The following NRCAM variants were observed in gnomAD, a reference collection of about 807,000 sequenced individuals.
NRCAM encodes neuronal cell adhesion molecule.
A neutral mutation model predicts 156.5 loss-of-function variants in NRCAM; 83 were observed. The observed-to-expected ratio is 0.53, with a 90% CI of 0.44 to 0.64. NRCAM has a LOEUF of 0.64. Among genes scored for constraint, NRCAM ranks in the 30% least tolerant of loss-of-function variants. The probability of loss-of-function intolerance (pLI) is 0.00; values close to 1 mark genes in which losing one functional copy is unlikely to be tolerated. For synonymous variants in NRCAM, 538 were observed against 563.9 expected (o/e 0.95, Z 0.65); for missense variants, 1,417 against 1,597.3 (o/e 0.89, Z 1.92).
At chr7:108,356,513 C>T (rs2099498995) in intron 2 of NRCAM, among the ~76,000 whole-genome samples, 1 of 152,084 alleles carries the variant, frequency 6.6e-6, no homozygotes, top group Admixed American at 6.6e-5. Context: ...GTCCCAACAG[C>T]AGGATGTTCA....
intron 30 of NRCAM, among the ~76,000 whole-genome samples, chr7:108,163,759 A>G (rs1338785598): frequency 2.7e-5 from 4 of 145,828 alleles, no homozygotes; most frequent in Non-Finnish European, 4.5e-5. Flanking sequence ...GCTAATGAGC[A>G]GTCATACCAG....
At chr7:108,345,951 C>T (rs139331239) in intron 2 of NRCAM, among the ~76,000 whole-genome samples, 1 of 152,146 alleles carries the variant, frequency 6.6e-6, no homozygotes, top group Non-Finnish European at 1.5e-5. Flanking sequence ...GCAAGCCATG[C>T]CAACTGCTGT....
intron 2 of NRCAM, among the ~76,000 whole-genome samples, chr7:108,326,064 CATT>C (rs1385019969): frequency 6.6e-6 from 1 of 152,072 alleles, no homozygotes; most frequent in East Asian, 1.9e-4. Flanking sequence ...CTGAGTATCT[CATT>C]ATTTTAAATT....
rs576921488 is a variant in NRCAM at position 108,244,557 on chromosome 7, T to C, written c.-106-4387A>G. Among the ~76,000 whole-genome samples the C allele has an allele frequency of 3.9e-4, 60 of 152,284 alleles. 1 individual carries two copies. The highest frequency in any genetic ancestry group is 1.4e-3 in the African/African-American group (59 of 41,566). ...GGAAAGGTTAGAGAGAAATGGACAA[T>C]GACGACTAATAATTAACACATCAAC... On this transcript the variant is annotated intron_variant, in intron 3 of 32. Coordinates refer to ENST00000379028, the MANE Select transcript of NRCAM (RefSeq NM_001037132.4).
intron 2 of NRCAM, among the ~76,000 whole-genome samples, chr7:108,325,787 G>A (rs1461553571): frequency 2.6e-5 from 4 of 151,980 alleles, no homozygotes; most frequent in African/African-American, 9.7e-5. Flanking sequence ...CAGAGCATCA[G>A]TAAATATTAG....
At chr7:108,346,714 CA>C in intron 2 of NRCAM, among the ~76,000 whole-genome samples, 1 of 152,264 alleles carries the variant, frequency 6.6e-6, no homozygotes, top group East Asian at 1.9e-4. Flanking sequence ...AGGGTACAGA[CA>C]GGCTCTCTAA....
intron 29 of NRCAM, among the ~76,000 whole-genome samples, chr7:108,167,653 A>C: frequency 6.6e-6 from 1 of 152,196 alleles, no homozygotes; most frequent in Non-Finnish European, 1.5e-5. Context: ...TTTATTGGCC[A>C]CCTCATTTGT....
intron 28 of NRCAM, among the ~76,000 whole-genome samples, chr7:108,171,893 G>A (rs993441712): frequency 6.6e-6 from 1 of 152,092 alleles, no homozygotes; most frequent in Non-Finnish European, 1.5e-5. Flanking sequence ...GGCCAAAAAA[G>A]GAATTTTATT....
chr7:108,449,749 A>G (rs1232236619), intron 1 of NRCAM, among the ~76,000 whole-genome samples: 3 of 152,234 alleles, frequency 2.0e-5, no homozygotes, highest in African/African-American at 4.8e-5. Context: ...AATTAGCTTT[A>G]AAGTTGAAAT....
intron 32 of NRCAM, chr7:108,150,859 C>A (rs75278886): frequency 9.9e-6 from 4 of 402,638 alleles, no homozygotes; most frequent in East Asian, 7.2e-5. Context: ...TGGAAAGAGA[C>A]GCACTTTAAC....
intron 28 of NRCAM, among the ~76,000 whole-genome samples, chr7:108,172,983 A>ATTT (rs143144704): frequency 3.4e-5 from 4 of 118,770 alleles, no homozygotes; most frequent in African/African-American, 1.0e-4. Context: ...TGAGATGTTG[A>ATTT]TTTTTTTTTT....
intron 1 of NRCAM, among the ~76,000 whole-genome samples, chr7:108,427,254 G>A (rs1184363656): frequency 1.3e-5 from 2 of 152,096 alleles, no homozygotes; most frequent in Non-Finnish European, 2.9e-5. Flanking sequence ...CCAAAACCTA[G>A]GGCTTAATTA....
At chr7:108,210,140 G>A (rs1268276784) in intron 11 of NRCAM, among the ~76,000 whole-genome samples, 1 of 151,976 alleles carries the variant, frequency 6.6e-6, no homozygotes, top group Non-Finnish European at 1.5e-5. Flanking sequence ...AAGGGAAAGA[G>A]CTTTTTTTCC....
intron 2 of NRCAM, among the ~76,000 whole-genome samples, chr7:108,342,299 C>G (rs2099294209): frequency 6.6e-6 from 1 of 152,202 alleles, no homozygotes; most frequent in Non-Finnish European, 1.5e-5. Flanking sequence ...TCAGAACAGG[C>G]TAAATACTTA....
At chr7:108,417,427 T>C (rs555818812) in intron 1 of NRCAM, among the ~76,000 whole-genome samples, 57 of 152,274 alleles carry the variant, frequency 3.7e-4, no homozygotes, top group South Asian at 1.2e-3. Context: ...CTCATCCTTT[T>C]ATAATAACAA....
At chr7:108,439,889 A>G (rs1426610914) in intron 1 of NRCAM, among the ~76,000 whole-genome samples, 2 of 151,946 alleles carry the variant, frequency 1.3e-5, no homozygotes, top group African/African-American at 4.8e-5. Context: ...AAGGATGTCA[A>G]GAAGCTGGAA....
chr7:108,239,111 A>C (rs1427902344), intron 4 of NRCAM, among the ~76,000 whole-genome samples: 1 of 152,098 alleles, frequency 6.6e-6, no homozygotes, highest in East Asian at 1.9e-4. Flanking sequence ...AAGTACAGTA[A>C]TTGTCCAGAT....
chr7:108,403,264 TC>T (rs2099798204), intron 1 of NRCAM, among the ~76,000 whole-genome samples: 1 of 152,204 alleles, frequency 6.6e-6, no homozygotes, highest in South Asian at 2.1e-4. Flanking sequence ...TTAGATTGGG[TC>T]CATTATCCCA....
At chr7:108,324,223 A>G (rs1189370660) in intron 2 of NRCAM, among the ~76,000 whole-genome samples, 1 of 152,084 alleles carries the variant, frequency 6.6e-6, no homozygotes, top group African/African-American at 2.4e-5. Flanking sequence ...AGACCACATA[A>G]AAGGCTCTTA....
Sources: allele counts gnomAD v4.1 joint callset (sites outside exome capture counted in the v4.1 genomes callset), GRCh38; gene constraint gnomAD v4.1.1; transcripts MANE v1.5; gene names NCBI Gene and HGNC (gene_info 2026-07-23, HGNC 2026-07-21).